The following JKAMP variants were observed in gnomAD, a reference collection of about 807,000 sequenced individuals.
The protein encoded by JKAMP is JNK1/MAPK8-associated membrane protein.
In JKAMP, 20 loss-of-function variants were observed where a neutral mutation model predicts 40.2. That is an observed-to-expected ratio of 0.50 (90% CI 0.35 to 0.72). JKAMP has a LOEUF of 0.72. Ranked by LOEUF, JKAMP falls within the 30% of genes least tolerant of loss-of-function variation. JKAMP has a pLI of 0.01. For missense variants in JKAMP, 276 were observed against 373.0 expected (o/e 0.74, Z 2.14); for synonymous variants, 138 against 131.6 (o/e 1.05, Z -0.33).
chr14:59,487,826 G>C lies in JKAMP; in HGVS notation c.249G>C (p.Lys83Asn), dbSNP rs1373798648. 2 of 1,613,202 alleles carry C rather than the reference G, an allele frequency of 1.2e-6. No individual in the cohort carries two copies. The highest frequency in any genetic ancestry group is 1.7e-6 in the Non-Finnish European group (2 of 1,179,408). Residue 83 changes from lysine to asparagine, a missense_variant and splice_region_variant, in exon 3 of 7, where the codon AAG becomes AAC. Lys to Asn is a moderately conservative substitution (Grantham distance 94). Coordinates refer to ENST00000616435, the MANE Select transcript of JKAMP (RefSeq NM_016475.5). ...TCATTGAATGGTACTCGGGGAAAAA[G>C]AGGTTAGCACATTTCTATGAACATA... ...WFFIEWYSGK[K>N]SSSALFQHIT...
chr14:59,501,657 T>G (rs1451840609), intron 6 of JKAMP, among the ~76,000 whole-genome samples: 1 of 152,228 alleles, frequency 6.6e-6, no homozygotes, highest in Non-Finnish European at 1.5e-5. Flanking sequence ...ACATTAATAG[T>G]CATCAGTAAT....
At chr14:59,489,891 A>AT (rs765299301) in intron 3 of JKAMP, among the ~76,000 whole-genome samples, 1 of 137,780 alleles carries the variant, frequency 7.3e-6, no homozygotes, top group East Asian at 2.0e-4. Flanking sequence ...TCTTTCTTTC[A>AT]TTTTTTTTAA....
In JKAMP at chr14:59,490,712, TAGC is replaced by T. The variant is rs1442627150; in HGVS notation, c.251+2888_251+2890del. On this transcript the variant is annotated intron_variant, in intron 3 of 6. Transcript: ENST00000616435. ...ATAATTTATAAAAATACTTTAAAAA[TAGC>T]AGCTTTCATCCAGTTTTTAATTTCT... 5.9e-5 allele frequency among the ~76,000 whole-genome samples: 9 copies of T among 152,310 alleles called. 1 individual carries two copies. The South Asian group carries it at 1.0e-3, about 18-fold the overall frequency.
At chr14:59,493,524 A>G (rs183833489) in intron 3 of JKAMP, among the ~76,000 whole-genome samples, 174 of 152,356 alleles carry the variant, frequency 1.1e-3, no homozygotes, top group South Asian at 3.1e-3. Flanking sequence ...TTGCTATGCA[A>G]TGATACATAA....
In JKAMP at chr14:59,484,609, G is replaced by C; in HGVS notation, c.4+16G>C. Reference sequence around the variant, plus strand: ...CGGCCCATGGGTGAGTGGTCGCCAAGATCCCGGGAAGCGTTTCTGGTAGTC... The same window carrying C: ...CGGCCCATGGGTGAGTGGTCGCCAACATCCCGGGAAGCGTTTCTGGTAGTC... On this transcript the variant is annotated intron_variant, in intron 1 of 6. Transcript: ENST00000616435. 2 of 1,579,100 alleles carry C rather than the reference G, an allele frequency of 1.3e-6. No homozygotes were observed. The highest frequency in any genetic ancestry group is 1.7e-6 in the Non-Finnish European group (2 of 1,162,678).
At position 59,495,244 on chromosome 14, in the gene JKAMP, T is replaced by G. The variant is rs1041594938; in HGVS notation, c.458+20T>G. 39 of 1,500,640 alleles carry G rather than the reference T, an allele frequency of 2.6e-5. No homozygotes were observed. In the African/African-American group the frequency reaches 3.0e-4, roughly 12 times the overall value. 93.0% of individuals were successfully genotyped at this position (1,500,640 alleles called of 1,614,324 possible). A position where few individuals can be genotyped will look rare whatever the true frequency, so the allele number is the denominator to read the frequency against. On this transcript the variant is annotated intron_variant, in intron 4 of 6. Coordinates refer to ENST00000616435, the MANE Select transcript of JKAMP (RefSeq NM_016475.5). ...CCCACTGTAAGTGTTTATTTCGACT[T>G]AAGATCATTGTTTTTTTTTAAATCT...
chr14:59,484,822 TTTG>T, intron 1 of JKAMP: 1 of 970,108 alleles, frequency 1.0e-6, no homozygotes, highest in South Asian at 1.7e-5. Flanking sequence ...ATGCCAGGTC[TTTG>T]TTGTTTGGTC....
At position 59,487,664 on chromosome 14, in the gene JKAMP, T is replaced by C. The variant is rs1226334011; in HGVS notation, c.97-10T>C. 1.2e-6 allele frequency: 2 copies of C among 1,604,458 alleles called. No homozygotes were observed. Among genetic ancestry groups the C allele is most frequent in the Admixed American group, 3.3e-5 (2 of 59,960 alleles). On this transcript the variant is annotated splice_polypyrimidine_tract_variant and intron_variant, in intron 2 of 6. Coordinates refer to ENST00000616435, the MANE Select transcript of JKAMP (RefSeq NM_016475.5). ...ATCTGTACACAAAATATTGGTTTTATATATTATAGGTATGCCCAAGAGGAC... is the reference window on the plus strand; with the variant it reads ...ATCTGTACACAAAATATTGGTTTTACATATTATAGGTATGCCCAAGAGGAC...
chr14:59,492,222 T>C (rs537748283), intron 3 of JKAMP, among the ~76,000 whole-genome samples: 12 of 151,962 alleles, frequency 7.9e-5, no homozygotes, highest in Non-Finnish European at 1.6e-4. Context: ...AAAAGGAAAC[T>C]TTTAGAAATG....
In JKAMP at chr14:59,503,617, C is replaced by T. The variant is rs34060716; in HGVS notation, c.718-237C>T. ...GACTAGGACTTAAGAGACATGATGACGTAGCTTTCGTCTGGGTGCCTCTAC... is the reference window on the plus strand; with the variant it reads ...GACTAGGACTTAAGAGACATGATGATGTAGCTTTCGTCTGGGTGCCTCTAC... On this transcript the variant is annotated intron_variant, in intron 6 of 6. Transcript: ENST00000616435. Among the ~76,000 whole-genome samples, 330 of 152,260 alleles carry T rather than the reference C, an allele frequency of 2.2e-3. 1 individual carries two copies. The highest frequency in any genetic ancestry group is 6.9e-3 in the African/African-American group (287 of 41,536).
chr14:59,487,379 G>A (rs1594931106), intron 2 of JKAMP: 1 of 212,380 alleles, frequency 4.7e-6, no homozygotes, highest in East Asian at 1.0e-4. Context: ...CATGAATCCA[G>A]AACATTTATC....
chr14:59,489,928 G>A (rs1012755345), intron 3 of JKAMP, among the ~76,000 whole-genome samples: 11 of 151,692 alleles, frequency 7.3e-5, no homozygotes, highest in Non-Finnish European at 8.8e-5. Context: ...TTATCTTTTC[G>A]TTTTTATTTT....
intron 3 of JKAMP, among the ~76,000 whole-genome samples, chr14:59,492,933 G>A (rs1457265749): frequency 6.6e-6 from 1 of 151,908 alleles, no homozygotes; most frequent in African/African-American, 2.4e-5. Flanking sequence ...GAGTAGCTGG[G>A]ACTACAGGCG....
In JKAMP at chr14:59,505,091, A is replaced by T; in HGVS notation, c.*1019A>T. ...ATCCATTTTTATTGTTTAGAAGTTT[A>T]TTTACTGATACTTGGTGGAGGTTGT... On this transcript the variant is annotated 3_prime_UTR_variant, in exon 7 of 7. Transcript: ENST00000616435. The T allele has an allele frequency of 2.3e-6, 1 of 442,894 alleles. No individual in the cohort carries two copies. The allele number at this position is 442,894 out of a possible 1,614,324, so 27.4% of individuals were successfully genotyped here.
chr14:59,497,745 G>A lies in JKAMP; in HGVS notation c.459-982G>A, dbSNP rs186727387. ...AAGACAAAAAAATTATCACCCAAGA[G>A]ATCAAACATGTACTAATGCATTACT... On this transcript the variant is annotated intron_variant, in intron 4 of 6. Coordinates refer to ENST00000616435, the MANE Select transcript of JKAMP (RefSeq NM_016475.5). 2.5e-3 allele frequency among the ~76,000 whole-genome samples: 386 copies of A among 152,162 alleles called. 5 individuals are homozygous for A. The highest frequency in any genetic ancestry group is 7.1e-4 in the Non-Finnish European group (48 of 68,002).
At chr14:59,496,324 T>C (rs895476988) in intron 4 of JKAMP, among the ~76,000 whole-genome samples, 1 of 151,316 alleles carries the variant, frequency 6.6e-6, no homozygotes, top group Non-Finnish European at 1.5e-5. Flanking sequence ...ATTCATTGAT[T>C]CGTAGAGCTT....
At chr14:59,498,607 A>G in intron 4 of JKAMP, 120 bp from the exon 5 acceptor site, 1 of 587,468 alleles carries the variant, frequency 1.7e-6, no homozygotes, top group Non-Finnish European at 2.9e-6. Context: ...CTGAATATCC[A>G]ATGGATAGAG....
intron 5 of JKAMP, among the ~76,000 whole-genome samples, chr14:59,499,694 TGTAATTTGGTAATATAGTTTGGGAA>T (rs1360933948): frequency 2.1e-5 from 3 of 140,478 alleles, no homozygotes; most frequent in Non-Finnish European, 5.0e-5. Context: ...AGCTTGGTAA[TGTAATTTGGTAATATAGTTTGGGAA>T]TGTAATTTGG....
chr14:59,502,578 T>G (rs1891961185), intron 6 of JKAMP, among the ~76,000 whole-genome samples: 1 of 152,160 alleles, frequency 6.6e-6, no homozygotes, highest in Non-Finnish European at 1.5e-5. Flanking sequence ...ATAGTGATTA[T>G]TCAGTTGTTT....
Sources: allele counts gnomAD v4.1 joint callset (sites outside exome capture counted in the v4.1 genomes callset), GRCh38; gene constraint gnomAD v4.1.1; transcripts MANE v1.5; gene names NCBI Gene and HGNC (gene_info 2026-07-23, HGNC 2026-07-21).